The following BOC variants were observed in gnomAD, a reference collection of about 807,000 sequenced individuals.
The protein encoded by BOC is brother of CDO.
Under a neutral mutation model 112.0 loss-of-function variants are expected in BOC, and 76 were observed. The ratio of observed to expected loss-of-function variants is 0.68; its 90% CI spans 0.56 to 0.82. The LOEUF is 0.82. Ranked by LOEUF, BOC falls within the 40% of genes least tolerant of loss-of-function variation. The pLI, the probability that BOC is intolerant of heterozygous loss-of-function variation, is 0.00. For missense variants in BOC, 1,309 were observed against 1,511.7 expected (o/e 0.87, Z 2.22); for synonymous variants, 580 against 599.8 (o/e 0.97, Z 0.48).
rs1418124716 is a variant in BOC at position 113,229,417 on chromosome 3, G to A, written c.-82+13143G>A. On this transcript the variant is annotated intron_variant, in intron 2 of 19. Coordinates refer to ENST00000682979, the MANE Select transcript of BOC (RefSeq NM_001378074.1). ...CTTGGAAAACATCCCACCTCTGCTA[G>A]CATCTACCTTAGGGCCATCCTATCC... Among the ~76,000 whole-genome samples the A allele has an allele frequency of 5.9e-5, 9 of 152,290 alleles. No homozygotes were observed. In the East Asian group the frequency reaches 1.7e-3, roughly 29 times the overall value.
chr3:113,260,731 C>CAGAA (rs1576442818), intron 4 of BOC, among the ~76,000 whole-genome samples: 2 of 117,876 alleles, frequency 1.7e-5, no homozygotes, highest in Non-Finnish European at 4.2e-5. Context: ...AAGAACAGAA[C>CAGAA]AGAACAGAAC....
intron 5 of BOC, chr3:113,270,429 C>G (rs563745869): frequency 5.3e-5 from 11 of 207,344 alleles, no homozygotes; most frequent in Non-Finnish European, 9.8e-5. Context: ...CAGCTAATAC[C>G]CAGCAGACCC....
Position 113,283,584 on chromosome 3 carries a change from A to G in BOC, c.2608A>G (p.Ile870Val). 5 of 1,613,568 alleles carry G rather than the reference A, an allele frequency of 3.1e-6. No homozygotes were observed. Among genetic ancestry groups the G allele is most frequent in the Non-Finnish European group, 4.2e-6 (5 of 1,179,896 alleles). Residue 870 changes from isoleucine (I) to valine (V), a missense_variant, in exon 16 of 20, where the codon ATC becomes GTC. Ile to Val is a conservative substitution (Grantham distance 29). Transcript: ENST00000682979. ...GVVLGSIVLI[I>V]VTFIPFCLWR... is the part of the protein sequence containing the mutation. ...CGTCCTGGGCTCCATCGTTCTCATC[A>G]TCGTCACCTTCATCCCCTTCTGCTT...
Position 113,227,078 on chromosome 3 carries a change from T to TAG in BOC, c.-82+10807_-82+10808dup, listed in dbSNP as rs1401486978. The stretch of plus-strand genomic sequence containing the variant: ...CCTTAGAAGAGTGCTTGGCTTAGGG[T>TAG]AGAGGCTTTGATGGTCTCTATTATT... On this transcript the variant is annotated intron_variant, in intron 2 of 19. Transcript: ENST00000682979. 2.0e-5 allele frequency among the ~76,000 whole-genome samples: 3 copies of TAG among 152,348 alleles called. No individual in the cohort carries two copies. The East Asian group carries it at 5.8e-4, about 29-fold the overall frequency.
intron 5 of BOC, 56 bp downstream of exon 5, chr3:113,268,501 C>G: frequency 6.5e-7 from 1 of 1,536,200 alleles, no homozygotes; most frequent in Non-Finnish European, 8.9e-7. Flanking sequence ...AGCTGGCCTC[C>G]TCCAACCGCT....
At position 113,284,211 on chromosome 3, in the gene BOC, C is replaced by G. The variant is rs1949461017; in HGVS notation, c.2657-124C>G. ...ATGTTCTCCATCGCTTGGGCACTGT[C>G]AACTCCCTGCCTACGTCCTTCAACC... On this transcript the variant is annotated intron_variant, in intron 16 of 19. Coordinates refer to ENST00000682979, the MANE Select transcript of BOC (RefSeq NM_001378074.1). The G allele has an allele frequency of 3.8e-6, 3 of 784,482 alleles. No homozygotes were observed. In the South Asian group the frequency reaches 4.8e-5, roughly 12 times the overall value. 48.6% of individuals were successfully genotyped at this position (784,482 alleles called of 1,614,324 possible).
intron 2 of BOC, among the ~76,000 whole-genome samples, chr3:113,217,131 G>T (rs111952691): frequency 1.3e-5 from 2 of 152,146 alleles, no homozygotes; most frequent in African/African-American, 4.8e-5. Context: ...GAGCCCATGC[G>T]CCATCCAGAA....
At chr3:113,229,543 C>T (rs1942265070) in intron 2 of BOC, among the ~76,000 whole-genome samples, 1 of 152,132 alleles carries the variant, frequency 6.6e-6, no homozygotes, top group South Asian at 2.1e-4. Flanking sequence ...GCCTTGGCCC[C>T]CAAAGTAGAT....
At chr3:113,281,277 C>T in intron 15 of BOC, 124 bp downstream of exon 15, 1 of 1,182,980 alleles carries the variant, frequency 8.5e-7, no homozygotes, top group Non-Finnish European at 1.2e-6. Flanking sequence ...TTTCCAAATA[C>T]CCTCAGACTT....
At chr3:113,213,403 A>G (rs1317395999) in intron 1 of BOC, among the ~76,000 whole-genome samples, 1 of 152,190 alleles carries the variant, frequency 6.6e-6, no homozygotes, top group South Asian at 2.1e-4. Context: ...GTGTGCAGAC[A>G]TTTCTGATTT....
chr3:113,239,828 C>T (rs1471211211), intron 2 of BOC, among the ~76,000 whole-genome samples: 2 of 152,140 alleles, frequency 1.3e-5, no homozygotes, highest in Non-Finnish European at 2.9e-5. Context: ...GTGGAGCTCT[C>T]CTCTGTAAAC....
intron 4 of BOC, among the ~76,000 whole-genome samples, chr3:113,254,882 C>T (rs1946063346): frequency 6.6e-6 from 1 of 152,186 alleles, no homozygotes; most frequent in Non-Finnish European, 1.5e-5. Context: ...GTGTTGGAAG[C>T]TGGAGGGTCC....
chr3:113,250,490 C>G (rs1301183324), intron 3 of BOC, 65 bp from the exon 4 acceptor site: 1 of 1,535,682 alleles, frequency 6.5e-7, no homozygotes, highest in African/African-American at 1.4e-5. Context: ...TGCAGTGCTT[C>G]TAAAAACGTG....
chr3:113,241,510 G>C (rs1293029077), intron 2 of BOC, among the ~76,000 whole-genome samples: 1 of 151,960 alleles, frequency 6.6e-6, no homozygotes, highest in East Asian at 1.9e-4. Flanking sequence ...CCAAAGTCCA[G>C]CCTTTCCACC....
At chr3:113,263,595 A>C (rs1298903563) in intron 4 of BOC, among the ~76,000 whole-genome samples, 1 of 152,194 alleles carries the variant, frequency 6.6e-6, no homozygotes, top group Non-Finnish European at 1.5e-5. Flanking sequence ...TTTAACTGAG[A>C]CCCAACACAT....
intron 4 of BOC, among the ~76,000 whole-genome samples, chr3:113,257,547 A>G (rs1946364702): frequency 6.6e-6 from 1 of 152,090 alleles, no homozygotes; most frequent in Non-Finnish European, 1.5e-5. Flanking sequence ...TATAAAACCT[A>G]TGTCTTGATT....
intron 4 of BOC, chr3:113,251,285 C>T (rs1022958322): frequency 7.4e-6 from 2 of 270,318 alleles, no homozygotes; most frequent in East Asian, 7.9e-5. Flanking sequence ...GGCAGGGCCA[C>T]GTGTAGTCTG....
At chr3:113,264,685 G>A (rs1440819021) in intron 4 of BOC, among the ~76,000 whole-genome samples, 3 of 152,162 alleles carry the variant, frequency 2.0e-5, no homozygotes, top group Non-Finnish European at 4.4e-5. Context: ...AAACACTAGA[G>A]AAAGGGGTCC....
chr3:113,241,180 T>C (rs1944243393), intron 2 of BOC, among the ~76,000 whole-genome samples: 1 of 152,188 alleles, frequency 6.6e-6, no homozygotes, highest in African/African-American at 2.4e-5. Flanking sequence ...TGACCTTGTA[T>C]TGACTGGGAT....
Sources: gnomAD v4.1 joint callset for allele counts (sites outside exome capture counted in the v4.1 genomes callset) on GRCh38, gnomAD v4.1.1 for gene constraint, MANE v1.5 for transcripts, NCBI Gene and HGNC (gene_info 2026-07-23, HGNC 2026-07-21) for gene names.